CDC42BPA: variants seen among roughly 807,000 people sequenced by gnomAD.
CDC42BPA encodes serine/threonine-protein kinase MRCK alpha.
CDC42BPA carries 80 observed loss-of-function variants against 223.5 expected under a neutral mutation model. The observed-to-expected ratio is 0.36, with a 90% CI of 0.30 to 0.43. The LOEUF is 0.43. Among genes scored for constraint, CDC42BPA ranks in the 20% least tolerant of loss-of-function variants. The pLI is 1.00. For synonymous variants in CDC42BPA, 694 were observed against 718.6 expected (o/e 0.97, Z 0.55); for missense variants, 1,743 against 2,099.9 (o/e 0.83, Z 3.32).
At chr1:227,025,995 G>T in intron 31 of CDC42BPA, 60 bp downstream of exon 31, 1 of 862,836 alleles carries the variant, frequency 1.2e-6, no homozygotes, top group Non-Finnish European at 1.9e-6. Flanking sequence ...TTACTATGTA[G>T]TAATTTAGTG....
chr1:226,991,014 T>G lies in CDC42BPA; in HGVS notation c.*3254A>C, dbSNP rs184569762. The G allele has an allele frequency of 1.3e-5, 2 of 152,716 alleles. No homozygotes were observed. The highest frequency in any genetic ancestry group is 6.5e-5 in the Admixed American group (1 of 15,298). 9.5% of individuals were successfully genotyped at this position (152,716 alleles called of 1,614,324 possible). A position where few individuals can be genotyped will look rare whatever the true frequency, so the allele number is the denominator to read the frequency against. The stretch of plus-strand genomic sequence containing the variant: ...TGTGTTGGGGATGTGTATAAATACA[T>G]ACATAATAACAAAAAATGTAAGATC... On this transcript the variant is annotated 3_prime_UTR_variant, in exon 37 of 37. Transcript: ENST00000366766.
chr1:226,999,208 G>A (rs1202694124), intron 35 of CDC42BPA, among the ~76,000 whole-genome samples: 4 of 148,056 alleles, frequency 2.7e-5, no homozygotes, highest in African/African-American at 1.0e-4. Flanking sequence ...ACACAGCCTT[G>A]TTCTGTTGCC....
chr1:227,193,691 C>A lies in CDC42BPA; in HGVS notation c.599+95G>T. On this transcript the variant is annotated intron_variant, in intron 5 of 36. Transcript: ENST00000366766. ...TTTTTTGGTTGACGATAAATGTATC[C>A]AAGACCATAATTAATAAATCTGGCA... 1.1e-5 allele frequency: 11 copies of A among 1,036,390 alleles called. No individual in the cohort carries two copies. The South Asian group carries it at 1.2e-4, about 11-fold the overall frequency. 64.2% of individuals were successfully genotyped at this position (1,036,390 alleles called of 1,614,324 possible).
chr1:227,153,201 T>C (rs1403513694), intron 6 of CDC42BPA, among the ~76,000 whole-genome samples: 3 of 151,344 alleles, frequency 2.0e-5, no homozygotes, highest in Non-Finnish European at 3.0e-5. Flanking sequence ...GCAATTTTAA[T>C]CTTATGGGCA....
rs921652703 is a variant in CDC42BPA, at chr1:227,181,189, T to C, written c.599+12597A>G. ...ATTCACTTTACAGATGCATAGTGCA[T>C]AGATGCACAAATCTAAGTTTACAGA... On this transcript the variant is annotated intron_variant, in intron 5 of 36. Transcript: ENST00000366766. Among the ~76,000 whole-genome samples the C allele has an allele frequency of 8.5e-5, 13 of 152,268 alleles. 1 individual carries two copies. The highest frequency in any genetic ancestry group is 4.6e-4 in the Admixed American group (7 of 15,298).
chr1:227,222,052 C>CAAAAAAA (rs60588018), intron 2 of CDC42BPA, among the ~76,000 whole-genome samples: 1 of 86,494 alleles, frequency 1.2e-5, no homozygotes, highest in Non-Finnish European at 2.3e-5. Flanking sequence ...CTATCTCTAC[C>CAAAAAAA]AAAAAAAAAA....
chr1:227,237,018 C>T (rs1330066033), intron 2 of CDC42BPA, among the ~76,000 whole-genome samples: 1 of 123,792 alleles, frequency 8.1e-6, no homozygotes, highest in Non-Finnish European at 1.6e-5. Flanking sequence ...ACTCCAGCCT[C>T]GATGACAGAA....
At chr1:227,036,223 A>G (rs773343280) in intron 24 of CDC42BPA, among the ~76,000 whole-genome samples, 11 of 152,196 alleles carry the variant, frequency 7.2e-5, no homozygotes, top group African/African-American at 1.9e-4. Context: ...AATGGACTAC[A>G]TATCACTGAT....
At chr1:227,159,496 A>C (rs1482568527) in intron 6 of CDC42BPA, among the ~76,000 whole-genome samples, 2 of 152,054 alleles carry the variant, frequency 1.3e-5, no homozygotes, top group African/African-American at 4.8e-5. Flanking sequence ...AAAAATAATA[A>C]AATTTTTCCA....
At chr1:227,298,113 AT>A (rs1558985671) in intron 1 of CDC42BPA, among the ~76,000 whole-genome samples, 1 of 151,432 alleles carries the variant, frequency 6.6e-6, no homozygotes, top group Admixed American at 6.6e-5. Context: ...CTCAAAAAAA[AT>A]CTCTCTTTCT....
chr1:227,016,236 G>GT, intron 33 of CDC42BPA, 39 bp from the exon 34 acceptor site: 1 of 1,022,002 alleles, frequency 9.8e-7, no homozygotes, highest in Non-Finnish European at 1.5e-6. Context: ...TTTTTCCACA[G>GT]TTAATTTATG....
chr1:227,178,300 G>A (rs1371670961), intron 5 of CDC42BPA: 1 of 152,450 alleles, frequency 6.6e-6, no homozygotes, highest in Non-Finnish European at 1.5e-5. Context: ...CATGAGATCT[G>A]ATGGTTTTAT....
intron 1 of CDC42BPA, among the ~76,000 whole-genome samples, chr1:227,311,156 C>T (rs1386339192): frequency 6.8e-6 from 1 of 147,748 alleles, no homozygotes; most frequent in East Asian, 2.0e-4. Context: ...GAGTTTGAGA[C>T]CAGTCAGGAC....
intron 15 of CDC42BPA, among the ~76,000 whole-genome samples, chr1:227,100,747 AGTGT>A (rs57210205): frequency 0.025 from 3,369 of 137,376 alleles, 106 homozygotes; most frequent in African/African-American, 0.084. Context: ...ATACCCAGCT[AGTGT>A]GTGTGTGTGT....
Position 227,294,605 on chromosome 1 carries a change from A to AG in CDC42BPA, c.178+22399_178+22400insC, listed in dbSNP as rs1226570408. ...GCCGGGCGCGGTGGCTCACGCCTGT[A>AG]ATCCCAGCACTTTGGGAGGCCGAGG... On this transcript the variant is annotated intron_variant, in intron 1 of 36. Transcript: ENST00000366766. Among the ~76,000 whole-genome samples, 116 of 73,426 alleles carry AG rather than the reference A, an allele frequency of 1.6e-3. 17 individuals carry two copies. Among genetic ancestry groups the AG allele is most frequent in the Non-Finnish European group, 1.7e-3 (58 of 35,104 alleles). 48.2% of individuals were successfully genotyped at this position (73,426 alleles called of 152,430 possible).
At chr1:227,197,858 TA>T (rs971009508) in intron 4 of CDC42BPA, among the ~76,000 whole-genome samples, 15 of 152,172 alleles carry the variant, frequency 9.9e-5, no homozygotes, top group African/African-American at 3.6e-4. Context: ...TTACAAATGT[TA>T]TTAACAAACC....
At chr1:227,151,234 A>G (rs955116462) in intron 6 of CDC42BPA, among the ~76,000 whole-genome samples, 3 of 152,206 alleles carry the variant, frequency 2.0e-5, no homozygotes, top group Admixed American at 2.0e-4. Flanking sequence ...GTTATCTCAC[A>G]TAAGTGGAAT....
At chr1:227,253,532 G>GT (rs1036673559) in intron 2 of CDC42BPA, among the ~76,000 whole-genome samples, 1 of 150,604 alleles carries the variant, frequency 6.6e-6, no homozygotes, top group African/African-American at 2.5e-5. Context: ...GGAGGTGGAG[G>GT]TTGTAGTGAG....
intron 1 of CDC42BPA, among the ~76,000 whole-genome samples, chr1:227,254,570 G>A (rs2718209): frequency 0.31 from 46,777 of 151,962 alleles, 7,377 homozygotes; most frequent in East Asian, 0.37. Context: ...TTTCTTTCAC[G>A]CTCATTCATT....
Sources: gnomAD v4.1 joint callset for allele counts (sites outside exome capture counted in the v4.1 genomes callset) on GRCh38, gnomAD v4.1.1 for gene constraint, MANE v1.5 for transcripts, NCBI Gene and HGNC (gene_info 2026-07-23, HGNC 2026-07-21) for gene names.